Variants in VPS41 observed in about 807,000 individuals in gnomAD.
The protein encoded by VPS41 is VPS41 subunit of HOPS complex.
VPS41 carries 85 observed loss-of-function variants against 130.9 expected under a neutral mutation model. The ratio of observed to expected loss-of-function variants is 0.65; its 90% confidence interval spans 0.55 to 0.78. The LOEUF (loss-of-function observed/expected upper bound fraction) is 0.78, where lower values mean the gene tolerates loss of function less well. Among genes scored for constraint, VPS41 ranks in the 30% least tolerant of loss-of-function variants. VPS41 has a pLI of 0.00. For synonymous variants in VPS41, 335 were observed against 332.9 expected, an observed-to-expected ratio of 1.01 and a Z score of -0.07; for missense variants, 874 against 1,018.7, an observed-to-expected ratio of 0.86 and a Z score of 1.93.
At chr7:38,887,180 T>C (rs778267788) in intron 2 of VPS41, among the ~76,000 whole-genome samples, 8 of 152,180 alleles carry the variant, frequency 5.3e-5, no homozygotes, top group Admixed American at 1.3e-4. Flanking sequence ...ATAACGAGTT[T>C]GACAAGTTGA....
chr7:38,745,073 G>A (rs999915702), intron 23 of VPS41, among the ~76,000 whole-genome samples: 5 of 152,178 alleles, frequency 3.3e-5, no homozygotes, highest in East Asian at 1.9e-4. Flanking sequence ...TACAAAAATT[G>A]TGACTCATGT....
At chr7:38,871,998 T>C (rs76829616) in intron 2 of VPS41, among the ~76,000 whole-genome samples, 5,207 of 152,248 alleles carry the variant, frequency 0.034, 184 homozygotes, top group African/African-American at 0.088. Context: ...TAAATATGTA[T>C]TCGTTTACAG....
chr7:38,730,054 A>G (rs2115559288), intron 25 of VPS41, among the ~76,000 whole-genome samples: 1 of 152,198 alleles, frequency 6.6e-6, no homozygotes, highest in African/African-American at 2.4e-5. Context: ...TATCATACGC[A>G]GTTATGTGCA....
intron 4 of VPS41, among the ~76,000 whole-genome samples, chr7:38,860,050 A>G (rs1403481464): frequency 6.6e-6 from 1 of 152,234 alleles, no homozygotes; most frequent in Non-Finnish European, 1.5e-5. Flanking sequence ...CTTCAGCAAC[A>G]AAAGATGGCC....
intron 1 of VPS41, among the ~76,000 whole-genome samples, chr7:38,908,834 C>T (rs1474775302): frequency 6.6e-6 from 1 of 152,224 alleles, no homozygotes; most frequent in Non-Finnish European, 1.5e-5. Context: ...TTCCTCCTCC[C>T]ACAGGCAGTC....
chr7:38,862,894 A>G (rs1300571640), intron 3 of VPS41, among the ~76,000 whole-genome samples: 1 of 152,168 alleles, frequency 6.6e-6, no homozygotes, highest in Non-Finnish European at 1.5e-5. Context: ...GTCTATACAC[A>G]ATGCCTGATG....
chr7:38,826,281 C>T (rs1785273969), intron 5 of VPS41, among the ~76,000 whole-genome samples: 1 of 152,104 alleles, frequency 6.6e-6, no homozygotes, highest in Non-Finnish European at 1.5e-5. Flanking sequence ...GTTTGCTAAC[C>T]CAGGTTGAGG....
At chr7:38,779,448 T>C (rs1784319044) in intron 10 of VPS41, among the ~76,000 whole-genome samples, 1 of 152,152 alleles carries the variant, frequency 6.6e-6, no homozygotes, top group Non-Finnish European at 1.5e-5. Context: ...ATAATGGCCA[T>C]TTATCTGGTT....
chr7:38,905,380 A>G (rs1787238185), intron 1 of VPS41, among the ~76,000 whole-genome samples: 1 of 152,238 alleles, frequency 6.6e-6, no homozygotes, highest in South Asian at 2.1e-4. Flanking sequence ...GAAGATTTCC[A>G]GGCAGAATGC....
intron 17 of VPS41, among the ~76,000 whole-genome samples, chr7:38,761,263 CTTTTTTTTT>C (rs66692164): frequency 1.8e-4 from 10 of 57,024 alleles, no homozygotes; most frequent in Non-Finnish European, 2.7e-4. Context: ...CTCTTCCTCT[CTTTTTTTTT>C]TTTTTTTTTT....
chr7:38,778,730 C>G (rs547577208), intron 10 of VPS41, among the ~76,000 whole-genome samples: 1 of 152,146 alleles, frequency 6.6e-6, no homozygotes, highest in Non-Finnish European at 1.5e-5. Flanking sequence ...CCACAGACAC[C>G]TAAGGGAAAA....
At chr7:38,815,290 G>A (rs1267499857) in intron 7 of VPS41, among the ~76,000 whole-genome samples, 2 of 152,000 alleles carry the variant, frequency 1.3e-5, no homozygotes, top group Admixed American at 6.6e-5. Context: ...TGGGTAGGGT[G>A]GTGGGCATCT....
At chr7:38,751,302 C>CA (rs1450987578) in intron 22 of VPS41, among the ~76,000 whole-genome samples, 2 of 152,152 alleles carry the variant, frequency 1.3e-5, no homozygotes, top group African/African-American at 4.8e-5. Flanking sequence ...TTTGTTGGTC[C>CA]ACACAGCTGA....
At chr7:38,739,692 C>T (rs1584366175) in intron 25 of VPS41, among the ~76,000 whole-genome samples, 2 of 152,314 alleles carry the variant, frequency 1.3e-5, no homozygotes, top group Admixed American at 1.3e-4. Flanking sequence ...GCAGCAGCTT[C>T]CACAGGCTCT....
At chr7:38,869,029 G>T in intron 3 of VPS41, 117 bp downstream of exon 3, 1 of 725,664 alleles carries the variant, frequency 1.4e-6, no homozygotes, top group Non-Finnish European at 2.3e-6. Flanking sequence ...AGAGAGCAGT[G>T]GCAAGGAGAC....
At chr7:38,734,276 G>T (rs17700262) in intron 25 of VPS41, among the ~76,000 whole-genome samples, 1 of 152,072 alleles carries the variant, frequency 6.6e-6, no homozygotes, top group African/African-American at 2.4e-5. Context: ...AAATCTAGGG[G>T]TCAATTTCTT....
intron 22 of VPS41, 68 bp from the exon 23 acceptor site, chr7:38,745,681 T>C: frequency 8.2e-7 from 1 of 1,221,720 alleles, no homozygotes; most frequent in South Asian, 1.3e-5. Context: ...AATAAAGTCA[T>C]TTAAACTTAC....
At chr7:38,730,835 T>C (rs1402513959) in intron 25 of VPS41, among the ~76,000 whole-genome samples, 2 of 152,104 alleles carry the variant, frequency 1.3e-5, no homozygotes, top group Middle Eastern at 3.2e-3. Flanking sequence ...TCCAGGCCCA[T>C]GGCATGAATT....
chr7:38,862,423 C>A (rs948784210), intron 4 of VPS41, 122 bp downstream of exon 4: 3 of 577,088 alleles, frequency 5.2e-6, no homozygotes, highest in African/African-American at 3.9e-5. Flanking sequence ...ACTCTTAGCA[C>A]TCTGATTGAA....
Sources: allele counts gnomAD v4.1 joint callset (sites outside exome capture counted in the v4.1 genomes callset), GRCh38; gene constraint gnomAD v4.1.1; transcripts MANE v1.5; gene names NCBI Gene and HGNC (gene_info 2026-07-23, HGNC 2026-07-21).